The following ACAD10 variants were observed in gnomAD, a reference collection of about 807,000 sequenced individuals.
The protein encoded by ACAD10 is acyl-CoA dehydrogenase family member 10, also known as ACAD-10.
Under a neutral mutation model 116.8 loss-of-function variants are expected in ACAD10, and 112 were observed. The observed-to-expected ratio is 0.96, with a 90% CI of 0.82 to 1.12. The LOEUF (loss-of-function observed/expected upper bound fraction) is 1.12. ACAD10 is among the 50% of genes most tolerant of loss of function. ACAD10 has a pLI of 0.00. For missense variants in ACAD10, 1,259 were observed against 1,350.2 expected (o/e 0.93, Z 1.06); for synonymous variants, 486 against 510.6 (o/e 0.95, Z 0.65).
rs540285804 is a variant in ACAD10 at position 111,723,793 on chromosome 12, G to C, written c.1061+2054G>C. Among the ~76,000 whole-genome samples the C allele has an allele frequency of 1.3e-3, 195 of 151,792 alleles. 2 individuals are homozygous for C. The highest frequency in any genetic ancestry group is 4.2e-3 in the African/African-American group (176 of 41,420). ...GAGAGGCTCCTCACTTCTCAGATGG[G>C]GCGGCTGCCGGGCGGAGGGCCTCCT... On this transcript the variant is annotated intron_variant, in intron 8 of 20. Coordinates refer to ENST00000313698, the MANE Select transcript of ACAD10 (RefSeq NM_025247.6).
intron 12 of ACAD10, among the ~76,000 whole-genome samples, chr12:111,743,078 C>G (rs1566165328): frequency 1.3e-5 from 2 of 152,204 alleles, no homozygotes; most frequent in Non-Finnish European, 2.9e-5. Flanking sequence ...TTATTGGGTA[C>G]AGTCTCTTGG....
intron 12 of ACAD10, among the ~76,000 whole-genome samples, chr12:111,742,910 A>G (rs541158562): frequency 1.7e-4 from 26 of 151,614 alleles, no homozygotes; most frequent in Non-Finnish European, 3.7e-4. Flanking sequence ...GGGTTTCACC[A>G]TGTTGCCCAG....
intron 2 of ACAD10, among the ~76,000 whole-genome samples, chr12:111,694,878 C>T (rs1216164016): frequency 6.6e-6 from 1 of 152,024 alleles, no homozygotes; most frequent in African/African-American, 2.4e-5. Context: ...ATACAAAAAG[C>T]GTACCTGGGC....
intron 1 of ACAD10, among the ~76,000 whole-genome samples, chr12:111,691,889 G>A (rs776297527): frequency 9.2e-5 from 14 of 152,264 alleles, no homozygotes; most frequent in Non-Finnish European, 1.3e-4. Context: ...GTGCCACTGC[G>A]CCTGACGGGA....
chr12:111,697,134 G>A (rs1316258551), intron 2 of ACAD10, among the ~76,000 whole-genome samples: 5 of 151,452 alleles, frequency 3.3e-5, no homozygotes, highest in Non-Finnish European at 5.9e-5. Flanking sequence ...CCAGATACTC[G>A]GGAGACTGAG....
chr12:111,746,348 T>C, intron 14 of ACAD10, 64 bp downstream of exon 14: 1 of 1,520,930 alleles, frequency 6.6e-7, no homozygotes, highest in South Asian at 1.3e-5. Context: ...AACTCAATCC[T>C]AAACAGATAA....
At chr12:111,705,016 T>A (rs1402917192) in intron 3 of ACAD10, among the ~76,000 whole-genome samples, 3 of 151,838 alleles carry the variant, frequency 2.0e-5, no homozygotes, top group Admixed American at 2.0e-4. Context: ...CCACACAGAT[T>A]GAATTTAAAA....
At chr12:111,728,547 G>A (rs1889291182) in intron 9 of ACAD10, among the ~76,000 whole-genome samples, 1 of 151,980 alleles carries the variant, frequency 6.6e-6, no homozygotes, top group African/African-American at 2.4e-5. Context: ...AGGAATATAT[G>A]TATTTTTTGA....
intron 12 of ACAD10, 78 bp downstream of exon 12, chr12:111,737,082 C>G: frequency 6.8e-7 from 1 of 1,474,376 alleles, no homozygotes; most frequent in Non-Finnish European, 9.3e-7. Flanking sequence ...GAAACCCTCT[C>G]AGGGCCACAG....
intron 7 of ACAD10, 67 bp downstream of exon 7, chr12:111,716,029 C>G: frequency 1.9e-6 from 3 of 1,592,044 alleles, no homozygotes; most frequent in Non-Finnish European, 2.6e-6. Flanking sequence ...CAGCCCTAAA[C>G]TGAAAAGTCA....
At chr12:111,704,909 G>C (rs1441696903) in intron 3 of ACAD10, among the ~76,000 whole-genome samples, 1 of 151,534 alleles carries the variant, frequency 6.6e-6, no homozygotes, top group African/African-American at 2.4e-5. Context: ...GGATGGTCTC[G>C]ATCTCCTGAC....
chr12:111,709,467 A>G (rs1274695749), intron 4 of ACAD10, 59 bp from the exon 5 acceptor site: 2 of 1,423,184 alleles, frequency 1.4e-6, no homozygotes, highest in Non-Finnish European at 1.9e-6. Flanking sequence ...GTTTACCAGC[A>G]TGCATGTGGG....
At chr12:111,702,524 G>A (rs1888376903) in intron 3 of ACAD10, among the ~76,000 whole-genome samples, 1 of 152,104 alleles carries the variant, frequency 6.6e-6, no homozygotes, top group African/African-American at 2.4e-5. Flanking sequence ...GAGGTCAGGA[G>A]TTCGAGACCA....
chr12:111,699,875 G>A (rs560320153), intron 2 of ACAD10, among the ~76,000 whole-genome samples: 1 of 152,214 alleles, frequency 6.6e-6, no homozygotes, highest in African/African-American at 2.4e-5. Flanking sequence ...GGCCATGACT[G>A]TGCCACAGCT....
At chr12:111,695,956 G>A (rs1050161992) in intron 2 of ACAD10, among the ~76,000 whole-genome samples, 4 of 150,986 alleles carry the variant, frequency 2.6e-5, no homozygotes, top group African/African-American at 7.3e-5. Flanking sequence ...AGAGGTTGCA[G>A]TGAGCTGAGA....
chr12:111,749,338 A>G lies in ACAD10; in HGVS notation c.2810A>G (p.Lys937Arg). ...GFSERALALM[K>R]ARVKSRLAFG... The stretch of plus-strand genomic sequence containing the variant: ...TCAGAGAGGGCCCTGGCACTCATGA[A>G]GGCCCGCGTGAGTGCTTTCCCCCGC... The change falls in exon 18 of 21, where the codon AAG (lysine) becomes AGG (arginine). Residue 937 changes from lysine to arginine, a missense_variant. Transcript: ENST00000313698. The G allele has an allele frequency of 6.2e-7, 1 of 1,612,478 alleles. No homozygotes were observed.
intron 12 of ACAD10, among the ~76,000 whole-genome samples, chr12:111,740,351 C>T (rs187047695): frequency 1.7e-3 from 258 of 150,598 alleles, no homozygotes; most frequent in African/African-American, 6.1e-3. Flanking sequence ...ATCCCAGCTA[C>T]ATGGGAGGCT....
chr12:111,709,619 ATCTT>A lies in ACAD10; in HGVS notation c.630_633del (p.Phe210LeufsTer8), dbSNP rs1566147294. The A allele has an allele frequency of 6.2e-7, 1 of 1,614,068 alleles. No individual in the cohort carries two copies. The highest frequency in any genetic ancestry group is 1.7e-5 in the Admixed American group (1 of 60,004). On this transcript the variant is annotated frameshift_variant, in exon 5 of 21. Coordinates refer to ENST00000313698, the MANE Select transcript of ACAD10 (RefSeq NM_025247.6). LOFTEE classifies it high-confidence loss of function. ...GCTCGGCCTGCAGCCCTCTGAGTCC[ATCTT>A]TCTTGATGACCTTGGAACAAATCTA...
intron 3 of ACAD10, among the ~76,000 whole-genome samples, chr12:111,704,899 G>T (rs1423000916): frequency 6.6e-6 from 1 of 151,860 alleles, no homozygotes; most frequent in Non-Finnish European, 1.5e-5. Flanking sequence ...ATGTTAGCCA[G>T]GATGGTCTCG....
Sources: allele counts gnomAD v4.1 joint callset (sites outside exome capture counted in the v4.1 genomes callset), GRCh38; gene constraint gnomAD v4.1.1; transcripts MANE v1.5; gene names NCBI Gene and HGNC (gene_info 2026-07-23, HGNC 2026-07-21).